Variants in DZIP3 observed in about 807,000 individuals in gnomAD.
DZIP3 encodes DAZ interacting zinc finger protein 3.
A neutral mutation model predicts 162.0 loss-of-function variants in DZIP3; 118 were observed. The ratio of observed to expected loss-of-function variants is 0.73; its 90% CI spans 0.63 to 0.85. The LOEUF (loss-of-function observed/expected upper bound fraction) is 0.85, where lower values mean the gene tolerates loss of function less well. DZIP3 is among the 40% of genes least tolerant of loss of function. The pLI, the probability that DZIP3 is intolerant of heterozygous loss-of-function variation, is 0.00. For missense variants in DZIP3, 1,331 were observed against 1,407.0 expected, an observed-to-expected ratio of 0.95 and a Z score of 0.86; for synonymous variants, 438 against 458.6, an observed-to-expected ratio of 0.96 and a Z score of 0.57.
intron 17 of DZIP3, among the ~76,000 whole-genome samples, chr3:108,650,872 C>A (rs7618064): frequency 0.36 from 54,426 of 150,940 alleles, 10,331 homozygotes; most frequent in East Asian, 0.53. Context: ...TCACAACTGC[C>A]GTTTTAAAAA....
rs1296798255 is a variant in DZIP3, at chr3:108,601,729, CAT to C, written c.-72-3604_-72-3603del. Among the ~76,000 whole-genome samples, 4 of 152,222 alleles carry C rather than the reference CAT, an allele frequency of 2.6e-5. No individual in the cohort carries two copies. In the East Asian group the frequency reaches 7.7e-4, roughly 29 times the overall value. On this transcript the variant is annotated intron_variant, in intron 1 of 32. Coordinates refer to ENST00000361582, the MANE Select transcript of DZIP3 (RefSeq NM_014648.4). Reference sequence around the variant, plus strand: ...CCATAGATAGTTGTTTTTGGATAAACATAGAGATTGACCCTTCTGGTGTTAAA... The same window carrying C: ...CCATAGATAGTTGTTTTTGGATAAACAGAGATTGACCCTTCTGGTGTTAAA...
At chr3:108,611,052 G>C in intron 3 of DZIP3, 122 bp from the exon 4 acceptor site, 1 of 906,078 alleles carries the variant, frequency 1.1e-6, no homozygotes, top group African/African-American at 1.7e-5. Flanking sequence ...TTCTGTCATA[G>C]AAGCTAGGAG....
chr3:108,633,579 C>G (rs1941983702), intron 9 of DZIP3, among the ~76,000 whole-genome samples: 1 of 151,392 alleles, frequency 6.6e-6, no homozygotes, highest in Admixed American at 6.6e-5. Context: ...AGATCTCTCT[C>G]TCTGGATCTA....
chr3:108,656,279 AC>A (rs1292285646), intron 19 of DZIP3, among the ~76,000 whole-genome samples: 1 of 152,134 alleles, frequency 6.6e-6, no homozygotes, highest in East Asian at 1.9e-4. Context: ...ACGGCTGGGT[AC>A]CCCTCTGAGG....
chr3:108,652,717 C>T (rs1266249740), intron 18 of DZIP3, among the ~76,000 whole-genome samples: 1 of 151,742 alleles, frequency 6.6e-6, no homozygotes, highest in Non-Finnish European at 1.5e-5. Flanking sequence ...TGGTAAATGC[C>T]CTATACAGGT....
chr3:108,664,462 G>A (rs1248887566), intron 21 of DZIP3, among the ~76,000 whole-genome samples: 1 of 152,188 alleles, frequency 6.6e-6, no homozygotes, highest in Non-Finnish European at 1.5e-5. Flanking sequence ...GGGAGAAGGA[G>A]ACAGTGCTTT....
chr3:108,620,179 A>G (rs896862282), intron 5 of DZIP3, among the ~76,000 whole-genome samples: 2 of 152,222 alleles, frequency 1.3e-5, no homozygotes, highest in Non-Finnish European at 2.9e-5. Context: ...TCCAGCAATG[A>G]AAATGTAGCA....
rs535414576 is a variant in DZIP3, at chr3:108,684,328, C to G, written c.2996C>G (p.Pro999Arg). Reference sequence around the variant, plus strand: ...GGAGTCGTCTCTGCAACTGGCCAACCTAGAGCCCCCCTGGTAAAAGCTTTC... The same window carrying G: ...GGAGTCGTCTCTGCAACTGGCCAACGTAGAGCCCCCCTGGTAAAAGCTTTC... Reference protein sequence around the residue: ...CPGVVSATGQPRAPLMTGIAW... With the variant: ...CPGVVSATGQRRAPLMTGIAW... Residue 999 changes from proline to arginine, a missense_variant, in exon 27 of 33, where the codon CCT becomes CGT. Pro to Arg is a moderately radical substitution (Grantham distance 103). This residue lies in a region of DZIP3 where 1,278 missense variants were observed against 1,317.1 expected (regional missense o/e 0.97). Transcript: ENST00000361582. The G allele has an allele frequency of 1.2e-5, 19 of 1,611,756 alleles. No homozygotes were observed. In the South Asian group the frequency reaches 2.0e-4, roughly 17 times the overall value.
At chr3:108,664,466 G>A (rs761095270) in intron 21 of DZIP3, among the ~76,000 whole-genome samples, 9 of 152,216 alleles carry the variant, frequency 5.9e-5, no homozygotes, top group Admixed American at 2.0e-4. Flanking sequence ...GAAGGAGACA[G>A]TGCTTTAATT....
intron 2 of DZIP3, among the ~76,000 whole-genome samples, chr3:108,607,815 C>T (rs1431537805): frequency 6.6e-6 from 1 of 152,026 alleles, no homozygotes; most frequent in Non-Finnish European, 1.5e-5. Context: ...AGGTTTTTTT[C>T]CCATTAGTTT....
intron 8 of DZIP3, 97 bp from the exon 9 acceptor site, chr3:108,632,856 A>G (rs1268639853): frequency 3.2e-6 from 2 of 623,982 alleles, no homozygotes; most frequent in East Asian, 7.0e-5. Context: ...GGGATATGAT[A>G]TGGACATATT....
At chr3:108,610,034 T>G (rs1247152836) in intron 3 of DZIP3, among the ~76,000 whole-genome samples, 1 of 152,228 alleles carries the variant, frequency 6.6e-6, no homozygotes, top group Non-Finnish European at 1.5e-5. Flanking sequence ...TGTAGAATTT[T>G]GTTTTAACTT....
chr3:108,650,956 T>C (rs1024826825), intron 17 of DZIP3, among the ~76,000 whole-genome samples, 181 bp from the exon 18 acceptor site: 1 of 151,744 alleles, frequency 6.6e-6, no homozygotes, highest in African/African-American at 2.4e-5. Context: ...ATGGAACTTA[T>C]ATTTCAGTTT....
At chr3:108,653,993 G>A in intron 18 of DZIP3, 152 bp from the exon 19 acceptor site, 1 of 696,320 alleles carries the variant, frequency 1.4e-6, no homozygotes, top group Non-Finnish European at 2.3e-6. Flanking sequence ...GAAAGACTCA[G>A]TATGAGCACT....
chr3:108,631,056 C>CACACACACACACACACACACA (rs1385172484), intron 8 of DZIP3, among the ~76,000 whole-genome samples: 5 of 29,048 alleles, frequency 1.7e-4, no homozygotes, highest in South Asian at 1.3e-3. Flanking sequence ...CACACACACA[C>CACACACACACACACACACACA]TCTCTCTCTC....
chr3:108,600,972 G>A (rs188056655), intron 1 of DZIP3, among the ~76,000 whole-genome samples: 3 of 152,246 alleles, frequency 2.0e-5, no homozygotes, highest in Non-Finnish European at 2.9e-5. Flanking sequence ...CTTATCTAAC[G>A]AAGAAACTCA....
chr3:108,635,053 C>T, intron 10 of DZIP3, 81 bp downstream of exon 10: 1 of 828,204 alleles, frequency 1.2e-6, no homozygotes, highest in Non-Finnish European at 1.9e-6. Flanking sequence ...ATCGTTTCTT[C>T]CTGTTCATAA....
chr3:108,611,338 A>C lies in DZIP3; in HGVS notation c.258+9A>C. 6.2e-7 allele frequency: 1 copy of C among 1,610,120 alleles called. No individual in the cohort carries two copies. The highest frequency in any genetic ancestry group is 8.5e-7 in the Non-Finnish European group (1 of 1,178,708). On this transcript the variant is annotated intron_variant, in intron 4 of 32. Coordinates refer to ENST00000361582, the MANE Select transcript of DZIP3 (RefSeq NM_014648.4). ...CCTTCCAAACTATGCAGGTAACGTC[A>C]TAAGTTGTTATTTGGGGCAGAAGTG...
chr3:108,645,515 C>T (rs1942585279), intron 14 of DZIP3, among the ~76,000 whole-genome samples: 1 of 152,182 alleles, frequency 6.6e-6, no homozygotes, highest in Admixed American at 6.5e-5. Context: ...TTCAGACCTC[C>T]TTTCCCACAT....
Sources: allele counts gnomAD v4.1 joint callset (sites outside exome capture counted in the v4.1 genomes callset), GRCh38; gene constraint gnomAD v4.1.1; regional missense constraint gnomAD v4.1.1; transcripts MANE v1.5; gene names NCBI Gene and HGNC (gene_info 2026-07-23, HGNC 2026-07-21).